Variants in DNMT1 observed in about 807,000 individuals in gnomAD.
DNMT1 encodes DNA methyltransferase 1.
In DNMT1, 24 loss-of-function variants were observed where a neutral mutation model predicts 205.3. The ratio of observed to expected loss-of-function variants is 0.12; its 90% CI spans 0.08 to 0.16. The LOEUF (loss-of-function observed/expected upper bound fraction) is 0.16. DNMT1 is among the 10% of genes least tolerant of loss of function. DNMT1 has a pLI of 1.00. For synonymous variants in DNMT1, 817 were observed against 839.8 expected, an observed-to-expected ratio of 0.97 and a Z score of 0.47; for missense variants, 1,293 against 2,177.7, an observed-to-expected ratio of 0.59 and a Z score of 8.09.
rs2038601036 is a variant in DNMT1, at chr19:10,162,755, G to A, written c.927-7C>T. 1.9e-6 allele frequency: 3 copies of A among 1,613,862 alleles called. No individual in the cohort carries two copies. Among genetic ancestry groups the A allele is most frequent in the African/African-American group, 2.7e-5 (2 of 74,874 alleles). ...GGGCCTCCGTTTGGCAGCTCTGCAG[G>A]GTGAACAGATACACAGCAAGTAGCA... is the stretch of plus-strand genomic sequence containing the variant. On this transcript the variant is annotated splice_polypyrimidine_tract_variant and splice_region_variant and intron_variant, in intron 12 of 40. Coordinates refer to ENST00000359526, the MANE Select transcript of DNMT1 (RefSeq NM_001130823.3).
Position 10,140,702 on chromosome 19 carries a change from G to T in DNMT1, c.3523+79C>A. 2 of 1,610,370 alleles carry T rather than the reference G, an allele frequency of 1.2e-6. No homozygotes were observed. Among genetic ancestry groups the T allele is most frequent in the South Asian group, 1.1e-5 (1 of 90,920 alleles). On this transcript the variant is annotated intron_variant, in intron 32 of 40. Coordinates refer to ENST00000359526, the MANE Select transcript of DNMT1 (RefSeq NM_001130823.3). This position sits in a 1 kb window ranked among gnomAD's most constrained non-coding sequence, Gnocchi z 8.4. ...GATTCTTGAGTCAGGAAGGTGACCG[G>T]GGTTGGAAGTCGTTTCAGGTAGCAC...
In DNMT1 at chr19:10,138,312, C is replaced by A. The variant is rs536273688; in HGVS notation, c.4115+127G>T. 5 of 1,437,282 alleles carry A rather than the reference C, an allele frequency of 3.5e-6. No individual in the cohort carries two copies. The South Asian group carries it at 4.8e-5, about 14-fold the overall frequency. The allele number at this position is 1,437,282 out of a possible 1,614,324, so 89.0% of individuals were successfully genotyped here. On this transcript the variant is annotated intron_variant, in intron 35 of 40. Transcript: ENST00000359526. The surrounding 1 kb of genome is among the most constrained non-coding windows in gnomAD (Gnocchi z 4.1). ...GGTGGCAGAGTGCCATGTGGCAGAG[C>A]ACCGTGTGGCAGGGCAGATGCTGTA... is the stretch of plus-strand genomic sequence containing the variant.
intron 27 of DNMT1, among the ~76,000 whole-genome samples, chr19:10,147,263 GATAAATAAATAAATAA>G (rs36026709): frequency 1.4e-5 from 2 of 146,578 alleles, no homozygotes; most frequent in African/African-American, 5.1e-5. Context: ...CCCTGTCTCA[GATAAATAAATAAATAA>G]ATAAATAAAT....
At chr19:10,164,913 T>TAAA (rs535161745) in intron 11 of DNMT1, among the ~76,000 whole-genome samples, 3 of 34,046 alleles carry the variant, frequency 8.8e-5, no homozygotes, top group African/African-American at 1.4e-4. Context: ...GAGACTATCT[T>TAAA]AAAAAAAAAA....
At position 10,138,651 on chromosome 19, in the gene DNMT1, C is replaced by T. The variant is rs758792910; in HGVS notation, c.3949-46G>A. ...CAACCCCACCGTCAGTGGGACACTC[C>T]CAACTGGACTGGCCAGACCCAGGCC... On this transcript the variant is annotated intron_variant, in intron 34 of 40. Coordinates refer to ENST00000359526, the MANE Select transcript of DNMT1 (RefSeq NM_001130823.3). The surrounding 1 kb of genome is among the most constrained non-coding windows in gnomAD (Gnocchi z 4.1). 6.3e-7 allele frequency: 1 copy of T among 1,583,450 alleles called. No individual in the cohort carries two copies. Among genetic ancestry groups the T allele is most frequent in the Non-Finnish European group, 8.5e-7 (1 of 1,172,840 alleles).
In DNMT1 at chr19:10,180,330, A is replaced by G; in HGVS notation, c.445+20T>C. The G allele has an allele frequency of 6.2e-7, 1 of 1,606,992 alleles. No individual in the cohort carries two copies. Among genetic ancestry groups the G allele is most frequent in the Non-Finnish European group, 8.5e-7 (1 of 1,179,926 alleles). On this transcript the variant is annotated intron_variant, in intron 4 of 40. Coordinates refer to ENST00000359526, the MANE Select transcript of DNMT1 (RefSeq NM_001130823.3). ...CCATCTCAAAAACAATTAAAAATAAAAGGAATCATCTGCTCTTACGCTTAG... is the reference window on the plus strand; with the variant it reads ...CCATCTCAAAAACAATTAAAAATAAGAGGAATCATCTGCTCTTACGCTTAG...
Position 10,148,217 on chromosome 19 carries a change from A to C in DNMT1, c.2720+667T>G, listed in dbSNP as rs977437304. Reference sequence around the variant, plus strand: ...TCACCCAGTTACAAAAGAATCGAGGACAGGTGTGGTGGCTCACGCCTGTAA... The same window carrying C: ...TCACCCAGTTACAAAAGAATCGAGGCCAGGTGTGGTGGCTCACGCCTGTAA... On this transcript the variant is annotated intron_variant, in intron 27 of 40. Coordinates refer to ENST00000359526, the MANE Select transcript of DNMT1 (RefSeq NM_001130823.3). Among the ~76,000 whole-genome samples, 14 of 150,610 alleles carry C rather than the reference A, an allele frequency of 9.3e-5. No individual in the cohort carries two copies. In the South Asian group the frequency reaches 1.2e-3, roughly 13 times the overall value.
chr19:10,149,635 T>A lies in DNMT1; in HGVS notation c.2404A>T (p.Ser802Cys), dbSNP rs1468958840. Residue 802 changes from serine to cysteine, a missense_variant, in exon 26 of 41, where the codon AGC (serine) becomes TGC (cysteine). By Grantham distance (112) the Ser-to-Cys change is moderately radical. Transcript: ENST00000359526. ...GCGTGAAACATCTGCCCGTTGCTGC[T>A]GTCCTCCCACAGCGCCGTGACCCTG... ...LARVTALWEDSSNGQMFHAHW... is the reference protein window; with the variant it reads ...LARVTALWEDCSNGQMFHAHW... 3 of 1,613,882 alleles carry A rather than the reference T, an allele frequency of 1.9e-6. No homozygotes were observed. The East Asian group carries it at 6.7e-5, about 36-fold the overall frequency.
At chr19:10,161,818 A>T (rs1292449654) in intron 13 of DNMT1, among the ~76,000 whole-genome samples, 2 of 152,082 alleles carry the variant, frequency 1.3e-5, no homozygotes, top group Non-Finnish European at 2.9e-5. Flanking sequence ...GTGGGGCCCC[A>T]TCCAATAAGA....
chr19:10,156,485 C>T lies in DNMT1; in HGVS notation c.1305G>A (p.Leu435=). The change falls in exon 18 of 41, where the codon CTG becomes CTA. Residue 435 remains leucine, a synonymous_variant. Coordinates refer to ENST00000359526, the MANE Select transcript of DNMT1 (RefSeq NM_001130823.3). The surrounding 1 kb of genome is among the most constrained non-coding windows in gnomAD (Gnocchi z 4.2). ...CFSVYCKHGH[L]CPIDTGLIEK... The stretch of plus-strand genomic sequence containing the variant: ...CGATGAGGCCGGTGTCGATGGGACA[C>T]AGGTGACCGTGCTTACAGTACACAC... 1 of 1,613,418 alleles carries T rather than the reference C, an allele frequency of 6.2e-7. No homozygotes were observed. The highest frequency in any genetic ancestry group is 8.5e-7 in the Non-Finnish European group (1 of 1,179,542).
intron 9 of DNMT1, among the ~76,000 whole-genome samples, chr19:10,171,576 T>C (rs974307072): frequency 2.6e-5 from 4 of 151,698 alleles, no homozygotes; most frequent in South Asian, 2.1e-4. Flanking sequence ...GAGGCCGAGA[T>C]GGGAGGATCA....
At chr19:10,165,961 G>A (rs933240324) in intron 11 of DNMT1, among the ~76,000 whole-genome samples, 1 of 152,138 alleles carries the variant, frequency 6.6e-6, no homozygotes, top group African/African-American at 2.4e-5. Context: ...GTGACCTTGG[G>A]CTCCACTCTC....
intron 25 of DNMT1, 44 bp downstream of exon 25, chr19:10,149,809 T>C (rs1489464269): frequency 6.2e-7 from 1 of 1,610,108 alleles, no homozygotes; most frequent in Non-Finnish European, 8.5e-7. Flanking sequence ...TCCTACTTGA[T>C]GAGAAAGTGC....
At chr19:10,194,248 G>T (rs1048314080) in intron 1 of DNMT1, among the ~76,000 whole-genome samples, 1 of 152,202 alleles carries the variant, frequency 6.6e-6, no homozygotes, top group African/African-American at 2.4e-5. Flanking sequence ...AGTACCCCAC[G>T]GAAGGCTGGG....
chr19:10,154,531 A>G lies in DNMT1; in HGVS notation c.1833-52T>C. 1.2e-6 allele frequency: 2 copies of G among 1,614,056 alleles called. No homozygotes were observed. Among genetic ancestry groups the G allele is most frequent in the Non-Finnish European group, 8.5e-7 (1 of 1,180,014 alleles). On this transcript the variant is annotated intron_variant, in intron 21 of 40. Coordinates refer to ENST00000359526, the MANE Select transcript of DNMT1 (RefSeq NM_001130823.3). The surrounding 1 kb of genome is among the most constrained non-coding windows in gnomAD (Gnocchi z 6.3). ...AGGACTGGGACAGAGGATGTGGGCC[A>G]TGCTCTACCCTCCCCGGTCTCCAGT...
At chr19:10,139,625 C>T (rs747005657) in intron 34 of DNMT1, 51 bp downstream of exon 34, 29 of 1,593,792 alleles carry the variant, frequency 1.8e-5, no homozygotes, top group Middle Eastern at 2.1e-4. Flanking sequence ...GGCTGCTGGC[C>T]GGGTCACGTG....
chr19:10,176,181 A>AC (rs2038935879), intron 6 of DNMT1, among the ~76,000 whole-genome samples: 1 of 151,744 alleles, frequency 6.6e-6, no homozygotes, highest in Non-Finnish European at 1.5e-5. Context: ...AAAAAAAAAA[A>AC]GTCAGTCTCA....
intron 39 of DNMT1, 25 bp from the exon 40 acceptor site, chr19:10,134,332 C>T (rs746570019): frequency 1.2e-6 from 2 of 1,611,228 alleles, no homozygotes; most frequent in Non-Finnish European, 1.7e-6. Context: ...AAGGGCAATG[C>T]CTGATGTGGA....
intron 2 of DNMT1, among the ~76,000 whole-genome samples, chr19:10,181,599 A>G (rs1037771468): frequency 4.6e-5 from 7 of 151,682 alleles, no homozygotes; most frequent in African/African-American, 1.7e-4. Context: ...TTGGGAGGCC[A>G]AGGTGGGCAG....
Sources: allele counts gnomAD v4.1 joint callset (sites outside exome capture counted in the v4.1 genomes callset), GRCh38; gene constraint gnomAD v4.1.1; non-coding constraint Gnocchi (gnomAD v3.1); transcripts MANE v1.5; gene names NCBI Gene and HGNC (gene_info 2026-07-23, HGNC 2026-07-21).